Variants in SPRED2 observed in about 807,000 individuals in gnomAD.
SPRED2 encodes sprouty-related, EVH1 domain-containing protein 2.
Under a neutral mutation model 43.0 loss-of-function variants are expected in SPRED2, and 47 were observed. That is an observed-to-expected ratio of 1.09 (90% CI 0.87 to 1.40). SPRED2 has a LOEUF of 1.40. SPRED2 is among the 40% of genes most tolerant of loss of function. SPRED2 has a pLI of 0.00. For synonymous variants in SPRED2, 225 were observed against 225.7 expected, an observed-to-expected ratio of 1.00 and a Z score of 0.03; for missense variants, 561 against 586.4, an observed-to-expected ratio of 0.96 and a Z score of 0.45.
In SPRED2 at chr2:65,316,233, C is replaced by T. The variant is rs1041789381; in HGVS notation, c.588+501G>A. Among the ~76,000 whole-genome samples, 6 of 152,198 alleles carry T rather than the reference C, an allele frequency of 3.9e-5. No individual in the cohort carries two copies. The South Asian group carries it at 8.3e-4, about 21-fold the overall frequency. On this transcript the variant is annotated intron_variant, in intron 5 of 5. Transcript: ENST00000356388. ...CCGAATTCTGAGCTCCAGCTACATC[C>T]GCCTGAGCAAGACTGGGCCTGTAGC... is the stretch of plus-strand genomic sequence containing the variant.
In SPRED2 at chr2:65,369,634, T is replaced by C. The variant is rs565047425; in HGVS notation, c.27-24738A>G. ...TTTAGAAAACAACTTAATTATGCAA[T>C]TTCTAGTCTCCCCTGACCACAGAGC... is the stretch of plus-strand genomic sequence containing the variant. On this transcript the variant is annotated intron_variant, in intron 1 of 5. Coordinates refer to ENST00000356388, the MANE Select transcript of SPRED2 (RefSeq NM_181784.3). 1.8e-4 allele frequency among the ~76,000 whole-genome samples: 6 copies of C among 33,070 alleles called. No homozygotes were observed. In the South Asian group the frequency reaches 6.4e-3, roughly 35 times the overall value. The allele number at this position is 33,070 out of a possible 152,430, so 21.7% of individuals were successfully genotyped here.
intron 4 of SPRED2, among the ~76,000 whole-genome samples, chr2:65,320,129 G>C (rs1256154460): frequency 6.6e-6 from 1 of 152,118 alleles, no homozygotes; most frequent in East Asian, 1.9e-4. Flanking sequence ...GAGTAATCAG[G>C]GCCTTTCAGT....
chr2:65,322,853 T>C (rs1673473174), intron 4 of SPRED2, among the ~76,000 whole-genome samples: 3 of 152,258 alleles, frequency 2.0e-5, no homozygotes, highest in Admixed American at 2.0e-4. Context: ...TTTTTCTGTC[T>C]ACTGAGATGA....
chr2:65,330,216 G>T (rs766587865), intron 4 of SPRED2, among the ~76,000 whole-genome samples: 9 of 152,180 alleles, frequency 5.9e-5, no homozygotes, highest in Non-Finnish European at 5.9e-5. Context: ...ACATACCTTT[G>T]TATTCCCAAG....
At chr2:65,335,701 A>G (rs1673945903) in intron 2 of SPRED2, among the ~76,000 whole-genome samples, 1 of 148,144 alleles carries the variant, frequency 6.8e-6, no homozygotes, top group African/African-American at 2.5e-5. Flanking sequence ...CCCTAACTAG[A>G]CTACAAAAAG....
intron 4 of SPRED2, among the ~76,000 whole-genome samples, chr2:65,330,276 C>A (rs1453443214): frequency 6.6e-6 from 1 of 152,150 alleles, no homozygotes; most frequent in Admixed American, 6.5e-5. Flanking sequence ...CAATGGGAGA[C>A]AAGTTTAATG....
chr2:65,324,864 G>A (rs1040436899), intron 4 of SPRED2, among the ~76,000 whole-genome samples: 3 of 152,166 alleles, frequency 2.0e-5, no homozygotes, highest in African/African-American at 4.8e-5. Context: ...TTCACATTTC[G>A]CAGGTCTTTT....
At chr2:65,360,814 CTATGT>C (rs1444014741) in intron 1 of SPRED2, among the ~76,000 whole-genome samples, 1 of 152,064 alleles carries the variant, frequency 6.6e-6, no homozygotes, top group Non-Finnish European at 1.5e-5. Flanking sequence ...ATGATATACG[CTATGT>C]TATGTGTTTT....
chr2:65,318,271 T>G (rs1673305951), intron 4 of SPRED2, among the ~76,000 whole-genome samples: 1 of 152,128 alleles, frequency 6.6e-6, no homozygotes. Context: ...TTAAATCTCT[T>G]TCTTTTGAAA....
intron 1 of SPRED2, among the ~76,000 whole-genome samples, chr2:65,345,753 C>T (rs1484699665): frequency 6.6e-6 from 1 of 152,230 alleles, no homozygotes; most frequent in Admixed American, 6.5e-5. Context: ...TAACCCTTTA[C>T]ATATTTGTAG....
At chr2:65,364,853 T>A (rs893126533) in intron 1 of SPRED2, among the ~76,000 whole-genome samples, 17 of 152,120 alleles carry the variant, frequency 1.1e-4, no homozygotes, top group Non-Finnish European at 1.5e-5. Flanking sequence ...TAAAACAAAA[T>A]TAATGTATAT....
rs776868420 is a variant in SPRED2, at chr2:65,432,042, T to C, written c.-55A>G. 2 of 1,610,624 alleles carry C rather than the reference T, an allele frequency of 1.2e-6. No individual in the cohort carries two copies. Among genetic ancestry groups the C allele is most frequent in the Admixed American group, 1.7e-5 (1 of 59,936 alleles). The stretch of plus-strand genomic sequence containing the variant: ...GGCGGGCAGCTTTGCTCCCTTCATC[T>C]TCCTGTCCGCTCGCCCCCCTTCTTC... On this transcript the variant is annotated 5_prime_UTR_variant, in exon 1 of 6. Coordinates refer to ENST00000356388, the MANE Select transcript of SPRED2 (RefSeq NM_181784.3).
chr2:65,388,186 A>G (rs1675546655), intron 1 of SPRED2, among the ~76,000 whole-genome samples: 1 of 152,222 alleles, frequency 6.6e-6, no homozygotes, highest in Non-Finnish European at 1.5e-5. Flanking sequence ...CCAGCGCCTC[A>G]CCCACATGCT....
At chr2:65,384,995 C>T (rs1161664705) in intron 1 of SPRED2, among the ~76,000 whole-genome samples, 1 of 112,532 alleles carries the variant, frequency 8.9e-6, no homozygotes, top group East Asian at 3.3e-4. Flanking sequence ...TTTTTTGAGA[C>T]GGACTCTTGC....
At position 65,349,545 on chromosome 2, in the gene SPRED2, T is replaced by C. The variant is rs565120916; in HGVS notation, c.27-4649A>G. 2.5e-4 allele frequency among the ~76,000 whole-genome samples: 38 copies of C among 151,488 alleles called. No individual in the cohort carries two copies. The South Asian group carries it at 7.5e-3, about 30-fold the overall frequency. On this transcript the variant is annotated intron_variant, in intron 1 of 5. Transcript: ENST00000356388. ...AACAGGAGATGGCTAAGGTGAAGAA[T>C]TGAAACTCTGTGCACCTCTTGTTAA...
chr2:65,307,693 C>T (rs180711943), downstream of SPRED2, among the ~76,000 whole-genome samples: 40 of 152,298 alleles, frequency 2.6e-4, no homozygotes, highest in Non-Finnish European at 3.7e-4. Flanking sequence ...CTTGCCACCA[C>T]GGCACCAATA....
chr2:65,309,353 A>C (rs1158674298), downstream of SPRED2, among the ~76,000 whole-genome samples: 2 of 151,620 alleles, frequency 1.3e-5, no homozygotes, highest in Admixed American at 6.6e-5. Context: ...AAATTTAAAA[A>C]CAGTTAGCTG....
At chr2:65,357,802 G>T (rs575752384) in intron 1 of SPRED2, among the ~76,000 whole-genome samples, 1 of 152,162 alleles carries the variant, frequency 6.6e-6, no homozygotes, top group Non-Finnish European at 1.5e-5. Context: ...AATGAGTGCC[G>T]TAAGTCAGGA....
intron 1 of SPRED2, among the ~76,000 whole-genome samples, chr2:65,353,529 G>A (rs1674568763): frequency 6.6e-6 from 1 of 152,098 alleles, no homozygotes; most frequent in Non-Finnish European, 1.5e-5. Context: ...TGCTAGACTT[G>A]GACCTCTAGT....
Sources: allele counts gnomAD v4.1 joint callset (sites outside exome capture counted in the v4.1 genomes callset), GRCh38; gene constraint gnomAD v4.1.1; transcripts MANE v1.5; gene names NCBI Gene and HGNC (gene_info 2026-07-23, HGNC 2026-07-21).